The following PHLDB2 variants were observed in gnomAD, a reference collection of about 807,000 sequenced individuals.
PHLDB2 encodes pleckstrin homology like domain family B member 2.
In PHLDB2, 71 loss-of-function variants were observed where a neutral mutation model predicts 123.6. That is an observed-to-expected ratio of 0.57 (90% confidence interval 0.47 to 0.70). The LOEUF (loss-of-function observed/expected upper bound fraction) is 0.70. Among genes scored for constraint, PHLDB2 ranks in the 30% least tolerant of loss-of-function variants. PHLDB2 has a pLI of 0.00. For missense variants in PHLDB2, 1,446 were observed against 1,519.5 expected (o/e 0.95, Z 0.80); for synonymous variants, 547 against 541.6 (o/e 1.01, Z -0.14).
chr3:111,733,204 T>G (rs1266628915), intron 1 of PHLDB2, among the ~76,000 whole-genome samples: 1 of 152,200 alleles, frequency 6.6e-6, no homozygotes, highest in Non-Finnish European at 1.5e-5. Flanking sequence ...ACGTATATTT[T>G]TCTGCTTTGG....
At chr3:111,855,922 A>T (rs747150064), upstream of PHLDB2, among the ~76,000 whole-genome samples, 3 of 152,016 alleles carry the variant, frequency 2.0e-5, no homozygotes, top group Non-Finnish European at 2.9e-5. Flanking sequence ...TGAGCCATTG[A>T]GCCTGGACTG....
chr3:111,768,580 C>T (rs918152969), intron 1 of PHLDB2, among the ~76,000 whole-genome samples: 5 of 152,068 alleles, frequency 3.3e-5, no homozygotes, highest in African/African-American at 9.7e-5. Context: ...AGGGGAGCTC[C>T]GGAGAGCTGT....
At chr3:111,907,138 G>T (rs2067589116) in intron 2 of PHLDB2, among the ~76,000 whole-genome samples, 1 of 152,188 alleles carries the variant, frequency 6.6e-6, no homozygotes. Flanking sequence ...CCAGTGAAAA[G>T]TCTGGAGAGC....
At chr3:111,759,703 T>A (rs573914497) in intron 1 of PHLDB2, among the ~76,000 whole-genome samples, 10 of 152,286 alleles carry the variant, frequency 6.6e-5, no homozygotes, top group Middle Eastern at 3.4e-3. Context: ...TGCAACCCTA[T>A]AAGGTGGAAA....
At chr3:111,861,584 A>G (rs920177322) in intron 1 of PHLDB2, among the ~76,000 whole-genome samples, 3 of 152,178 alleles carry the variant, frequency 2.0e-5, no homozygotes, top group Non-Finnish European at 2.9e-5. Flanking sequence ...TGTTTTATGC[A>G]GCTGGCAGCT....
chr3:111,747,653 C>G (rs1288529574), intron 1 of PHLDB2, among the ~76,000 whole-genome samples: 1 of 152,114 alleles, frequency 6.6e-6, no homozygotes, highest in Admixed American at 6.6e-5. Context: ...TCCCAGGAAG[C>G]CTCTCCCGCA....
At position 111,967,692 on chromosome 3, in the gene PHLDB2, A is replaced by G; in HGVS notation, c.3183A>G (p.Glu1061=). The change falls in exon 15 of 18, where the codon GAA becomes GAG. Residue 1061 remains glutamate (E), a synonymous_variant. Transcript: ENST00000431670. ...RLLESREREM[E]AKKRALEEEK... ...ATAATGTTTAGGAACGGGAAATGGA[A>G]GCCAAAAAACGAGCCCTGGAAGAAG... 1 of 1,607,998 alleles carries G rather than the reference A, an allele frequency of 6.2e-7. No homozygotes were observed.
At chr3:111,784,065 A>T (rs66651424) in intron 1 of PHLDB2, among the ~76,000 whole-genome samples, 32,756 of 152,064 alleles carry the variant, frequency 0.22, 3,860 homozygotes, top group African/African-American at 0.3. Context: ...GATTTAGATG[A>T]TATTTTCAGA....
chr3:111,894,543 C>A (rs2066705723), intron 2 of PHLDB2, among the ~76,000 whole-genome samples: 1 of 151,792 alleles, frequency 6.6e-6, no homozygotes, highest in African/African-American at 2.4e-5. Flanking sequence ...TAAAAGTGTT[C>A]CTATTTCTCC....
chr3:111,780,271 A>AGAGAAG lies in PHLDB2; in HGVS notation c.-49+47568_-49+47569insGAGAAG, dbSNP rs34178824. On this transcript the variant is annotated intron_variant, in intron 1 of 17. Transcript: ENST00000393923. The stretch of plus-strand genomic sequence containing the variant: ...CTCCTGATTTAAAAGAAGAAGAAGA[A>AGAGAAG]AAGAAGAAGAAGAAGAAGAAGAAGA... Among the ~76,000 whole-genome samples, 25 of 7,792 alleles carry AGAGAAG rather than the reference A, an allele frequency of 3.2e-3. 1 individual carries two copies. The highest frequency in any genetic ancestry group is 6.1e-3 in the African/African-American group (15 of 2,450). 5.1% of individuals were successfully genotyped at this position (7,792 alleles called of 152,430 possible). A position where few individuals can be genotyped will look rare whatever the true frequency, so the allele number is the denominator to read the frequency against.
intron 1 of PHLDB2, among the ~76,000 whole-genome samples, chr3:111,880,415 T>C (rs1019770934): frequency 1.3e-5 from 2 of 152,190 alleles, no homozygotes; most frequent in Admixed American, 1.3e-4. Flanking sequence ...AGGCAGTTTC[T>C]TACTGGCAAA....
At chr3:111,968,652 G>A (rs1044799129) in intron 15 of PHLDB2, among the ~76,000 whole-genome samples, 1 of 152,202 alleles carries the variant, frequency 6.6e-6, no homozygotes, top group Non-Finnish European at 1.5e-5. Flanking sequence ...AGCAGTTAGA[G>A]ACTATCTTTA....
At chr3:111,781,488 A>G (rs2108108291) in intron 1 of PHLDB2, among the ~76,000 whole-genome samples, 1 of 152,150 alleles carries the variant, frequency 6.6e-6, no homozygotes, top group Middle Eastern at 3.4e-3. Context: ...CCAATACCAA[A>G]CTTAATTTGG....
chr3:111,763,947 G>A (rs1422645540), intron 1 of PHLDB2, among the ~76,000 whole-genome samples: 2 of 152,126 alleles, frequency 1.3e-5, no homozygotes, highest in Admixed American at 6.5e-5. Flanking sequence ...AAAGCAGCCC[G>A]AACAGACGAA....
At chr3:111,732,807 A>G (rs1941544115) in intron 1 of PHLDB2, 8 of 939,514 alleles carry the variant, frequency 8.5e-6, no homozygotes, top group Non-Finnish European at 1.3e-5. Context: ...TGCTGGAGAT[A>G]TGGTAGACCC....
At chr3:111,966,515 GTGTGTGTCT>G (rs1206209727) in intron 13 of PHLDB2, 89 bp from the exon 14 acceptor site, 11 of 579,438 alleles carry the variant, frequency 1.9e-5, no homozygotes, top group Non-Finnish European at 2.8e-5. Context: ...GTGTGTGTGT[GTGTGTGTCT>G]GGGGTGTGTG....
At chr3:111,880,471 G>C (rs1346047218) in intron 1 of PHLDB2, among the ~76,000 whole-genome samples, 1 of 152,104 alleles carries the variant, frequency 6.6e-6, no homozygotes, top group Admixed American at 6.6e-5. Flanking sequence ...ACCAATCCAG[G>C]AAAAGAGCTC....
Position 111,840,582 on chromosome 3 carries a change from T to A in PHLDB2, c.-48-5239T>A, listed in dbSNP as rs137920941. On this transcript the variant is annotated intron_variant, in intron 1 of 17. Coordinates refer to the PHLDB2 transcript ENST00000393923. ...ACAGTTTCCATGAAAGGGAGCTTGATGATAACAGAAAAGATAAAGAGACAA... is the reference window on the plus strand; with the variant it reads ...ACAGTTTCCATGAAAGGGAGCTTGAAGATAACAGAAAAGATAAAGAGACAA... Among the ~76,000 whole-genome samples, 8 of 152,310 alleles carry A rather than the reference T, an allele frequency of 5.3e-5. No homozygotes were observed. The East Asian group carries it at 1.5e-3, about 29-fold the overall frequency.
intron 1 of PHLDB2, among the ~76,000 whole-genome samples, chr3:111,863,246 A>G (rs1362581503): frequency 1.3e-5 from 2 of 152,206 alleles, no homozygotes; most frequent in South Asian, 2.1e-4. Flanking sequence ...TTCCACAGAC[A>G]TAGCAGATGT....
Sources: allele counts gnomAD v4.1 joint callset (sites outside exome capture counted in the v4.1 genomes callset), GRCh38; gene constraint gnomAD v4.1.1; transcripts MANE v1.5; gene names NCBI Gene and HGNC (gene_info 2026-07-23, HGNC 2026-07-21).